STAMBP: variants seen among roughly 807,000 people sequenced by gnomAD.
STAMBP encodes STAM binding protein.
Under a neutral mutation model 50.7 loss-of-function variants are expected in STAMBP, and 31 were observed. That is an observed-to-expected ratio of 0.61 (90% CI 0.46 to 0.83). The LOEUF (loss-of-function observed/expected upper bound fraction) is 0.83, where lower values mean the gene tolerates loss of function less well. Among genes scored for constraint, STAMBP ranks in the 40% least tolerant of loss-of-function variants. The pLI, the probability that STAMBP is intolerant of heterozygous loss-of-function variation, is 0.00. For missense variants in STAMBP, 472 were observed against 518.9 expected, an observed-to-expected ratio of 0.91 and a Z score of 0.88; for synonymous variants, 211 against 192.4, an observed-to-expected ratio of 1.10 and a Z score of -0.80.
intron 7 of STAMBP, among the ~76,000 whole-genome samples, chr2:73,857,681 A>C (rs1677733311): frequency 6.6e-6 from 1 of 152,158 alleles, no homozygotes; most frequent in African/African-American, 2.4e-5. Flanking sequence ...TTCCATTAGA[A>C]AAAGATCACC....
intron 2 of STAMBP, among the ~76,000 whole-genome samples, chr2:73,839,762 T>C (rs1303795690): frequency 6.6e-6 from 1 of 152,228 alleles, no homozygotes; most frequent in Non-Finnish European, 1.5e-5. Flanking sequence ...TGAGGTGTGA[T>C]TAAGCTCATA....
At position 73,841,794 on chromosome 2, in the gene STAMBP, C is replaced by T. The variant is rs751032763; in HGVS notation, c.204-3019C>T. On this transcript the variant is annotated intron_variant, in intron 2 of 9. Coordinates refer to ENST00000394070, the MANE Select transcript of STAMBP (RefSeq NM_213622.4). ...CCAGGCACAGTGGCTCCAGAGCCAG[C>T]CCTACTAACCACTAAGTTCTTTTAC... Among the ~76,000 whole-genome samples, 40 of 152,110 alleles carry T rather than the reference C, an allele frequency of 2.6e-4. 2 individuals are homozygous for T. Among genetic ancestry groups the T allele is most frequent in the Admixed American group, 2.4e-3 (36 of 15,270 alleles).
chr2:73,835,050 G>C (rs1408005554), intron 2 of STAMBP, among the ~76,000 whole-genome samples: 3 of 152,136 alleles, frequency 2.0e-5, no homozygotes, highest in African/African-American at 7.2e-5. Context: ...GTGGGATTCA[G>C]ACCTAAATTT....
intron 2 of STAMBP, among the ~76,000 whole-genome samples, 153 bp downstream of exon 2, chr2:73,831,212 G>T (rs1214561967): frequency 6.6e-6 from 1 of 152,218 alleles, no homozygotes; most frequent in East Asian, 1.9e-4. Context: ...GCCGTTCAAA[G>T]ACATGAGTGC....
intron 7 of STAMBP, 79 bp from the exon 8 acceptor site, chr2:73,859,175 C>G: frequency 8.7e-7 from 1 of 1,152,914 alleles, no homozygotes; most frequent in Non-Finnish European, 1.3e-6. Flanking sequence ...AGCTTTAAAC[C>G]TCAGAAAGGG....
At chr2:73,862,139 G>T (rs77166778) in intron 9 of STAMBP, 64 bp from the exon 10 acceptor site, 6 of 1,209,292 alleles carry the variant, frequency 5.0e-6, no homozygotes, top group East Asian at 2.9e-5. Context: ...CCTATATGAA[G>T]AAAAAAAAAA....
chr2:73,837,294 G>A (rs1293154778), intron 2 of STAMBP, among the ~76,000 whole-genome samples: 1 of 152,050 alleles, frequency 6.6e-6, no homozygotes, highest in Non-Finnish European at 1.5e-5. Flanking sequence ...CATTGATAAA[G>A]AACACATTAG....
intron 2 of STAMBP, among the ~76,000 whole-genome samples, chr2:73,832,632 GCTTTT>G (rs1674111051): frequency 6.6e-6 from 1 of 152,108 alleles, no homozygotes; most frequent in East Asian, 1.9e-4. Flanking sequence ...CTAAAGCAGG[GCTTTT>G]CAACTTTGGC....
rs1676619028 is a variant in STAMBP at position 73,850,048 on chromosome 2, A to G, written c.868-328A>G. Reference sequence around the variant, plus strand: ...TTAAGGAAACAGTGACAGGACAACAACTTTAGACCTGAGCAAGGGAAGAGA... The same window carrying G: ...TTAAGGAAACAGTGACAGGACAACAGCTTTAGACCTGAGCAAGGGAAGAGA... On this transcript the variant is annotated intron_variant, in intron 6 of 9. Coordinates refer to ENST00000394070, the MANE Select transcript of STAMBP (RefSeq NM_213622.4). This position sits in a 1 kb window ranked among gnomAD's most constrained non-coding sequence, Gnocchi z 4.3. Among the ~76,000 whole-genome samples, 1 of 152,210 alleles carries G rather than the reference A, an allele frequency of 6.6e-6. No individual in the cohort carries two copies. Among genetic ancestry groups the G allele is most frequent in the Non-Finnish European group, 1.5e-5 (1 of 68,032 alleles).
intron 4 of STAMBP, among the ~76,000 whole-genome samples, chr2:73,846,013 A>G (rs1180897252): frequency 6.6e-6 from 1 of 152,208 alleles, no homozygotes; most frequent in African/African-American, 2.4e-5. Context: ...GTCAGTGGCC[A>G]GCTGTGAATA....
chr2:73,838,551 G>A (rs987891751), intron 2 of STAMBP, among the ~76,000 whole-genome samples: 1 of 152,214 alleles, frequency 6.6e-6, no homozygotes, highest in African/African-American at 2.4e-5. Flanking sequence ...CAGTCCAGAA[G>A]AGAGCTTAGC....
chr2:73,845,378 G>C (rs371329507), intron 4 of STAMBP, 116 bp downstream of exon 4: 1 of 732,032 alleles, frequency 1.4e-6, no homozygotes, highest in South Asian at 1.9e-5. Context: ...CACCTTTTTT[G>C]GGCAAAGACC....
At position 73,850,317 on chromosome 2, in the gene STAMBP, G is replaced by T; in HGVS notation, c.868-59G>T. 1 of 1,554,640 alleles carries T rather than the reference G, an allele frequency of 6.4e-7. No individual in the cohort carries two copies. The highest frequency in any genetic ancestry group is 1.2e-5 in the South Asian group (1 of 80,720). On this transcript the variant is annotated intron_variant, in intron 6 of 9. Transcript: ENST00000394070. This position sits in a 1 kb window ranked among gnomAD's most constrained non-coding sequence, Gnocchi z 4.3. ...CTTACCTTTCCACTGTCGGGATGGA[G>T]TGGAGCAGGGTTGCATGAGCACCAG...
chr2:73,842,014 T>C (rs1409722001), intron 2 of STAMBP, among the ~76,000 whole-genome samples: 1 of 152,170 alleles, frequency 6.6e-6, no homozygotes, highest in Non-Finnish European at 1.5e-5. Context: ...ATTACATGGC[T>C]CAAAGTCAAA....
intron 7 of STAMBP, among the ~76,000 whole-genome samples, chr2:73,857,794 C>T (rs1196695668): frequency 6.6e-6 from 1 of 152,066 alleles, no homozygotes; most frequent in Non-Finnish European, 1.5e-5. Context: ...GGAATCTCCC[C>T]CACCCCACTT....
rs1413975185 is a variant in STAMBP, at chr2:73,861,741, A to G, written c.1219-462A>G. Among the ~76,000 whole-genome samples the G allele has an allele frequency of 2.9e-5, 4 of 138,370 alleles. No individual in the cohort carries two copies. In the Admixed American group the frequency reaches 3.0e-4, roughly 10 times the overall value. 90.8% of individuals were successfully genotyped at this position (138,370 alleles called of 152,430 possible). On this transcript the variant is annotated intron_variant, in intron 9 of 9. Transcript: ENST00000394070. ...TCAGGGTTTCACCATGTTGGCCAGG[A>G]TGGTCTTGATCTCCTAACCTCATGA...
intron 7 of STAMBP, among the ~76,000 whole-genome samples, chr2:73,858,541 A>G (rs559763692): frequency 2.2e-4 from 34 of 152,318 alleles, no homozygotes; most frequent in African/African-American, 7.5e-4. Context: ...GCTAATTAGC[A>G]TATGCATTAT....
chr2:73,862,244 C>G lies in STAMBP; in HGVS notation c.1260C>G (p.Ile420Met). 1 of 1,612,164 alleles carries G rather than the reference C, an allele frequency of 6.2e-7. No homozygotes were observed. Among genetic ancestry groups the G allele is most frequent in the South Asian group, 1.1e-5 (1 of 90,776 alleles). ...CTGTTGTGGACAGAGCAGTGACCAT[C>G]ACAGACCTTCGATGAGCGTTTGAGT... ...HVTVVDRAVT[I>M]TDLR is the part of the protein sequence containing the mutation. The change falls in exon 10 of 10, where the codon ATC (isoleucine) becomes ATG (methionine). Residue 420 changes from isoleucine to methionine, a missense_variant. Coordinates refer to ENST00000394070, the MANE Select transcript of STAMBP (RefSeq NM_213622.4).
intron 2 of STAMBP, among the ~76,000 whole-genome samples, chr2:73,835,678 A>G (rs1674624349): frequency 6.6e-6 from 1 of 152,158 alleles, no homozygotes; most frequent in African/African-American, 2.4e-5. Context: ...GAAAAAAGAT[A>G]CTGCGGAGGT....
Sources: gnomAD v4.1 joint callset for allele counts (sites outside exome capture counted in the v4.1 genomes callset) on GRCh38, gnomAD v4.1.1 for gene constraint, Gnocchi (gnomAD v3.1) non-coding constraint, MANE v1.5 for transcripts, NCBI Gene and HGNC (gene_info 2026-07-23, HGNC 2026-07-21) for gene names.